The following BCAT1 variants were observed in gnomAD, a reference collection of about 807,000 sequenced individuals.
BCAT1 encodes branched-chain-amino-acid aminotransferase, cytosolic.
Under a neutral mutation model 52.4 loss-of-function variants are expected in BCAT1, and 48 were observed. The observed-to-expected ratio is 0.92, with a 90% CI of 0.73 to 1.16. The LOEUF is 1.16. BCAT1 is among the 50% of genes most tolerant of loss of function. BCAT1 has a pLI of 0.00. For synonymous variants in BCAT1, 167 were observed against 161.3 expected (o/e 1.04, Z -0.27); for missense variants, 451 against 457.1 (o/e 0.99, Z 0.12).
At chr12:24,934,236 C>G (rs1487672759) in intron 1 of BCAT1, among the ~76,000 whole-genome samples, 1 of 152,226 alleles carries the variant, frequency 6.6e-6, no homozygotes, top group East Asian at 1.9e-4. Context: ...TGGCACTTCT[C>G]CCTTCTCACT....
intron 4 of BCAT1, 58 bp downstream of exon 4, chr12:24,881,243 C>T: frequency 8.0e-7 from 1 of 1,244,286 alleles, no homozygotes; most frequent in Non-Finnish European, 1.2e-6. Context: ...ATTTGGTGGT[C>T]AACACCGTGA....
intron 1 of BCAT1, among the ~76,000 whole-genome samples, chr12:24,925,427 TGATA>T (rs945625527): frequency 9.2e-5 from 14 of 152,052 alleles, no homozygotes; most frequent in Non-Finnish European, 1.8e-4. Context: ...CTCGATCTCT[TGATA>T]GATAGATAGA....
chr12:24,840,904 C>T (rs1404090112), intron 7 of BCAT1, among the ~76,000 whole-genome samples: 5 of 152,138 alleles, frequency 3.3e-5, no homozygotes, highest in Admixed American at 6.5e-5. Context: ...GTGAAATGAA[C>T]AACCTAAGAA....
chr12:24,867,245 C>T (rs951903202), intron 5 of BCAT1, among the ~76,000 whole-genome samples: 24 of 152,188 alleles, frequency 1.6e-4, no homozygotes, highest in South Asian at 4.1e-4. Context: ...TAACACTTAC[C>T]GCGAGGGTCC....
intron 1 of BCAT1, among the ~76,000 whole-genome samples, chr12:24,934,798 C>G (rs967798221): frequency 6.6e-6 from 1 of 152,178 alleles, no homozygotes; most frequent in Non-Finnish European, 1.5e-5. Flanking sequence ...GGTGATCCAC[C>G]TGTTTCAGCC....
At chr12:24,897,984 AG>A (rs1202352460) in intron 2 of BCAT1, among the ~76,000 whole-genome samples, 2 of 152,236 alleles carry the variant, frequency 1.3e-5, no homozygotes, top group African/African-American at 4.8e-5. Flanking sequence ...GAGCTCAAAG[AG>A]AAATTACCTA....
chr12:24,902,633 T>G lies in BCAT1; in HGVS notation c.7-748A>C, dbSNP rs1270715253. ...GCAGCCCAGAGATTCAGCTCCCGCC[T>G]CCTCCCTCAGAGCGAGTCCATAGCT... On this transcript the variant is annotated intron_variant, in intron 1 of 10. Coordinates refer to ENST00000261192, the MANE Select transcript of BCAT1 (RefSeq NM_005504.7). The G allele has an allele frequency of 6.7e-6, 3 of 447,352 alleles. No individual in the cohort carries two copies. In the East Asian group the frequency reaches 1.3e-4, roughly 19 times the overall value. The allele number at this position is 447,352 out of a possible 1,614,324, so 27.7% of individuals were successfully genotyped here.
Position 24,919,579 on chromosome 12 carries a change from G to T in BCAT1, c.7-17694C>A, listed in dbSNP as rs898234558. Among the ~76,000 whole-genome samples, 6 of 152,296 alleles carry T rather than the reference G, an allele frequency of 3.9e-5. No homozygotes were observed. The South Asian group carries it at 6.2e-4, about 16-fold the overall frequency. On this transcript the variant is annotated intron_variant, in intron 1 of 10. Transcript: ENST00000261192. ...TGAACAGAATATGTCATGGTTATTT[G>T]TTCTAACATAAGGTTATCAAGCTTA... is the stretch of plus-strand genomic sequence containing the variant.
At chr12:24,832,660 CTTAAA>C in intron 9 of BCAT1, 58 bp downstream of exon 9, 2 of 1,484,002 alleles carry the variant, frequency 1.3e-6, no homozygotes, top group Non-Finnish European at 1.8e-6. Context: ...TATTCATACA[CTTAAA>C]TTAAATGTAA....
chr12:24,920,287 T>G (rs764859088), intron 1 of BCAT1, among the ~76,000 whole-genome samples: 17 of 152,236 alleles, frequency 1.1e-4, no homozygotes, highest in Non-Finnish European at 2.4e-4. Flanking sequence ...TTTATAATTT[T>G]AGAGAGAAGA....
intron 1 of BCAT1, among the ~76,000 whole-genome samples, chr12:24,906,587 T>G (rs142220302): frequency 5.4e-4 from 82 of 152,306 alleles, no homozygotes; most frequent in African/African-American, 1.9e-3. Context: ...TATATGAAAC[T>G]TATGTATATT....
chr12:24,896,956 G>A (rs1237984465), intron 2 of BCAT1, among the ~76,000 whole-genome samples: 1 of 152,214 alleles, frequency 6.6e-6, no homozygotes. Flanking sequence ...AGGATTTAAA[G>A]AGAGTGAAAT....
chr12:24,840,823 A>G (rs979093060), intron 7 of BCAT1, among the ~76,000 whole-genome samples: 2 of 152,210 alleles, frequency 1.3e-5, no homozygotes, highest in East Asian at 1.9e-4. Context: ...ATTTAATTGA[A>G]ACTACTAACA....
intron 7 of BCAT1, among the ~76,000 whole-genome samples, chr12:24,841,106 G>A (rs1000009822): frequency 2.6e-5 from 4 of 151,974 alleles, no homozygotes; most frequent in South Asian, 2.1e-4. Context: ...TGAGTACTCA[G>A]GATATTAAAG....
chr12:24,915,410 C>T (rs1943392310), intron 1 of BCAT1, among the ~76,000 whole-genome samples: 1 of 152,128 alleles, frequency 6.6e-6, no homozygotes. Flanking sequence ...TTTTATTTTA[C>T]TTCAATGCTT....
Position 24,878,645 on chromosome 12 carries a change from A to C in BCAT1, c.395T>G (p.Phe132Cys). 6.3e-7 allele frequency: 1 copy of C among 1,599,378 alleles called. No homozygotes were observed. The highest frequency in any genetic ancestry group is 8.5e-7 in the Non-Finnish European group (1 of 1,173,740). The change falls in exon 5 of 11, where the codon TTT becomes TGT. Residue 132 changes from phenylalanine to cysteine, a missense_variant. Coordinates refer to ENST00000261192, the MANE Select transcript of BCAT1 (RefSeq NM_005504.7). Reference protein sequence around the residue: ...RSAVRATLPVFDKEELLECIQ... With the variant: ...RSAVRATLPVCDKEELLECIQ... ...ACACTCTAAGAGCTCTTCTTTGTCA[A>C]ATACCTGAAAGAATGAAAAACATAA...
At chr12:24,946,707 C>T (rs1046988513) in intron 1 of BCAT1, among the ~76,000 whole-genome samples, 1 of 152,312 alleles carries the variant, frequency 6.6e-6, no homozygotes, top group South Asian at 2.1e-4. Context: ...AAGCTCAGAT[C>T]GCTCTGCGCT....
intron 1 of BCAT1, among the ~76,000 whole-genome samples, chr12:24,913,414 G>C (rs1202793693): frequency 6.6e-6 from 1 of 152,214 alleles, no homozygotes; most frequent in Non-Finnish European, 1.5e-5. Flanking sequence ...TCTGTGCTAG[G>C]TAAGTCTTTG....
intron 1 of BCAT1, among the ~76,000 whole-genome samples, chr12:24,931,326 A>G (rs1187816523): frequency 2.6e-5 from 4 of 152,196 alleles, no homozygotes; most frequent in Non-Finnish European, 4.4e-5. Context: ...AAAATTGGAC[A>G]CTAGGAGAGA....
Sources: gnomAD v4.1 joint callset for allele counts (sites outside exome capture counted in the v4.1 genomes callset) on GRCh38, gnomAD v4.1.1 for gene constraint, MANE v1.5 for transcripts, NCBI Gene and HGNC (gene_info 2026-07-23, HGNC 2026-07-21) for gene names.